Variants in DSCAML1 observed in about 807,000 individuals in gnomAD.
The protein encoded by DSCAML1 is cell adhesion molecule DSCAML1.
DSCAML1 carries 38 observed loss-of-function variants against 200.5 expected under a neutral mutation model. That is an observed-to-expected ratio of 0.19 (90% CI 0.15 to 0.25). The LOEUF (loss-of-function observed/expected upper bound fraction) is 0.25. DSCAML1 is among the 10% of genes least tolerant of loss of function. The probability of loss-of-function intolerance (pLI) is 1.00; values close to 1 mark genes in which losing one functional copy is unlikely to be tolerated. For synonymous variants in DSCAML1, 1,215 were observed against 1,165.0 expected (o/e 1.04, Z -0.87); for missense variants, 2,223 against 2,858.8 (o/e 0.78, Z 5.07).
intron 3 of DSCAML1, among the ~76,000 whole-genome samples, chr11:117,609,030 A>C (rs1289871908): frequency 1.7e-5 from 2 of 116,482 alleles, no homozygotes; most frequent in African/African-American, 3.1e-5. Context: ...AAACAAACAA[A>C]CAAACAAAAA....
chr11:117,721,391 T>G (rs369143520), intron 3 of DSCAML1, among the ~76,000 whole-genome samples: 1 of 152,150 alleles, frequency 6.6e-6, no homozygotes, highest in Non-Finnish European at 1.5e-5. Flanking sequence ...CCAAGGGTAA[T>G]AGTCACCCCC....
chr11:117,814,882 A>T (rs1006410581), intron 1 of DSCAML1, among the ~76,000 whole-genome samples: 1 of 152,178 alleles, frequency 6.6e-6, no homozygotes, highest in African/African-American at 2.4e-5. Context: ...TGTTGGGAGC[A>T]TATGGTCCTC....
chr11:117,439,172 C>G, intron 23 of DSCAML1, 94 bp downstream of exon 23: 1 of 1,530,248 alleles, frequency 6.5e-7, no homozygotes, highest in South Asian at 1.3e-5. Context: ...CTTGGTTTGG[C>G]TTCTTCCATT....
At chr11:117,558,594 C>T (rs2050601721) in intron 3 of DSCAML1, among the ~76,000 whole-genome samples, 1 of 152,132 alleles carries the variant, frequency 6.6e-6, no homozygotes, top group South Asian at 2.1e-4. Context: ...GGAAAAACCC[C>T]GTCTCTATGT....
chr11:117,629,463 G>A lies in DSCAML1; in HGVS notation c.512-96941C>T, dbSNP rs141055963. Among the ~76,000 whole-genome samples the A allele has an allele frequency of 3.4e-4, 51 of 148,598 alleles. No homozygotes were observed. In the East Asian group the frequency reaches 9.8e-3, roughly 29 times the overall value. ...ATGGGTGCACATGGGGAGCCCTGGG[G>A]ACAAAGGACAGTGCTCTCCCACCCC... On this transcript the variant is annotated intron_variant, in intron 3 of 32. Coordinates refer to ENST00000651296, the MANE Select transcript of DSCAML1 (RefSeq NM_020693.4).
Position 117,797,044 on chromosome 11 carries a change from A to G in DSCAML1, c.36T>C (p.Ser12=), listed in dbSNP as rs752070928. The stretch of plus-strand genomic sequence containing the variant: ...CCGCGCAGGTCTCACCTTTGTGTAA[A>G]GAGTCCAGGAGCAGGAGGAAAGTTA... The part of the protein sequence containing the change: ...WLVTFLLLLD[S]LHKARPEDVG... Residue 12 remains serine (S), a synonymous_variant, in exon 1 of 33, where the codon TCT becomes TCC. Transcript: ENST00000651296. The G allele has an allele frequency of 6.5e-7, 1 of 1,535,038 alleles. No homozygotes were observed. Among genetic ancestry groups the G allele is most frequent in the Non-Finnish European group, 8.8e-7 (1 of 1,139,728 alleles).
Position 117,521,161 on chromosome 11 carries a change from G to T in DSCAML1, c.1182C>A (p.Thr394=), listed in dbSNP as rs755886878. The change falls in exon 6 of 33, where the codon ACC becomes ACA. Residue 394 remains threonine (T), a synonymous_variant. Transcript: ENST00000651296. ...GTGCAATGATGGCAAAGTCCTGGGC[G>T]GTCTGGGCCTTGCGGGTAGCGAAGC... ...YQCFATRKAQ[T]AQDFAIIALE... 1.1e-5 allele frequency: 18 copies of T among 1,614,022 alleles called. No individual in the cohort carries two copies. The South Asian group carries it at 1.4e-4, about 13-fold the overall frequency.
At chr11:117,712,190 G>A (rs1233897885) in intron 3 of DSCAML1, among the ~76,000 whole-genome samples, 1 of 152,114 alleles carries the variant, frequency 6.6e-6, no homozygotes, top group East Asian at 1.9e-4. Flanking sequence ...ATGCAACTGG[G>A]AAAATGCAGA....
chr11:117,768,136 A>G (rs1473927044), intron 3 of DSCAML1, among the ~76,000 whole-genome samples: 1 of 152,174 alleles, frequency 6.6e-6, no homozygotes, highest in East Asian at 1.9e-4. Flanking sequence ...CCAGGGCTTA[A>G]GCACTTGGAG....
At chr11:117,683,094 G>A (rs1304031956) in intron 3 of DSCAML1, among the ~76,000 whole-genome samples, 1 of 152,072 alleles carries the variant, frequency 6.6e-6, no homozygotes, top group African/African-American at 2.4e-5. Context: ...CACCAACCAG[G>A]AAGTATTTAT....
At chr11:117,497,131 C>T (rs543584413) in intron 11 of DSCAML1, among the ~76,000 whole-genome samples, 1 of 152,274 alleles carries the variant, frequency 6.6e-6, no homozygotes, top group South Asian at 2.1e-4. Context: ...ACGCAACCCA[C>T]TTGTTGAGCT....
At chr11:117,430,389 C>G (rs868066138) in intron 32 of DSCAML1, among the ~76,000 whole-genome samples, 8 of 152,252 alleles carry the variant, frequency 5.3e-5, no homozygotes, top group African/African-American at 9.6e-5. Context: ...ATGAATGAGG[C>G]CTTACAACAC....
At chr11:117,484,024 GC>G (rs1344561919) in intron 11 of DSCAML1, among the ~76,000 whole-genome samples, 1 of 73,522 alleles carries the variant, frequency 1.4e-5, no homozygotes, top group Admixed American at 1.5e-4. Context: ...TTCCCTGCCC[GC>G]CCCCCGCCCC....
chr11:117,719,763 C>T (rs371430267), intron 3 of DSCAML1, among the ~76,000 whole-genome samples: 10 of 152,282 alleles, frequency 6.6e-5, no homozygotes, highest in African/African-American at 1.4e-4. Flanking sequence ...TCCACAATCT[C>T]GTGTCTTAAC....
At chr11:117,807,827 C>T (rs1216206385) in intron 1 of DSCAML1, among the ~76,000 whole-genome samples, 1 of 152,152 alleles carries the variant, frequency 6.6e-6, no homozygotes, top group Non-Finnish European at 1.5e-5. Context: ...TTCTGGCTTT[C>T]GTCGGAGTTA....
intron 3 of DSCAML1, among the ~76,000 whole-genome samples, chr11:117,745,226 G>GC (rs2054498525): frequency 1.6e-5 from 1 of 62,400 alleles, no homozygotes; most frequent in African/African-American, 5.4e-5. Flanking sequence ...GCTACCTGGG[G>GC]CGGGGGTGGC....
At chr11:117,501,900 G>T (rs1156451644) in intron 11 of DSCAML1, among the ~76,000 whole-genome samples, 1 of 152,096 alleles carries the variant, frequency 6.6e-6, no homozygotes, top group Non-Finnish European at 1.5e-5. Flanking sequence ...GAAGGAGGAA[G>T]CCAGGTCCAG....
Position 117,692,037 on chromosome 11 carries a change from C to G in DSCAML1, c.511+84754G>C, listed in dbSNP as rs180819707. Among the ~76,000 whole-genome samples, 38 of 152,224 alleles carry G rather than the reference C, an allele frequency of 2.5e-4. No individual in the cohort carries two copies. The East Asian group carries it at 4.1e-3, about 16-fold the overall frequency. ...AAAACACAACTACCTGAAATGGGCT[C>G]TATTAAAAATAAATATGTCCATTTC... On this transcript the variant is annotated intron_variant, in intron 3 of 32. Coordinates refer to ENST00000651296, the MANE Select transcript of DSCAML1 (RefSeq NM_020693.4).
intron 3 of DSCAML1, among the ~76,000 whole-genome samples, chr11:117,752,143 C>G (rs1335012400): frequency 6.6e-6 from 1 of 152,148 alleles, no homozygotes; most frequent in Non-Finnish European, 1.5e-5. Context: ...AGTCCCAATT[C>G]CCAGGTATGG....
Sources: allele counts gnomAD v4.1 joint callset (sites outside exome capture counted in the v4.1 genomes callset), GRCh38; gene constraint gnomAD v4.1.1; transcripts MANE v1.5; gene names NCBI Gene and HGNC (gene_info 2026-07-23, HGNC 2026-07-21).